MYO18B: variants seen among roughly 807,000 people sequenced by gnomAD.
MYO18B encodes unconventional myosin-XVIIIb.
MYO18B carries 204 observed loss-of-function variants against 273.0 expected under a neutral mutation model. That is an observed-to-expected ratio of 0.75 (90% CI 0.67 to 0.84). The LOEUF is 0.84. MYO18B is among the 40% of genes least tolerant of loss of function. MYO18B has a pLI of 0.00. For synonymous variants in MYO18B, 1,330 were observed against 1,305.7 expected, an observed-to-expected ratio of 1.02 and a Z score of -0.40; for missense variants, 3,212 against 3,287.6, an observed-to-expected ratio of 0.98 and a Z score of 0.56.
At chr22:25,763,622 A>C (rs1314099146) in intron 3 of MYO18B, among the ~76,000 whole-genome samples, 1 of 152,148 alleles carries the variant, frequency 6.6e-6, no homozygotes, top group East Asian at 1.9e-4. Context: ...ATCCTGCTGC[A>C]CCTTCTATGC....
intron 21 of MYO18B, among the ~76,000 whole-genome samples, chr22:25,860,588 G>T (rs911431281): frequency 5.9e-5 from 9 of 152,034 alleles, no homozygotes; most frequent in Non-Finnish European, 1.3e-4. Context: ...TCTTTGGCCC[G>T]TTGTTTATTA....
chr22:25,887,595 A>G (rs2091538676), intron 25 of MYO18B, among the ~76,000 whole-genome samples: 1 of 152,170 alleles, frequency 6.6e-6, no homozygotes, highest in African/African-American at 2.4e-5. Context: ...CTGGGTTTGC[A>G]AACCAGACTC....
At chr22:25,770,259 T>C (rs771719606) in intron 5 of MYO18B, 83 bp downstream of exon 5, 31 of 1,396,442 alleles carry the variant, frequency 2.2e-5, no homozygotes, top group Non-Finnish European at 3.1e-5. Flanking sequence ...TTCCAGGTCC[T>C]GATTATACTT....
chr22:25,828,143 A>C (rs1233729834), intron 14 of MYO18B, among the ~76,000 whole-genome samples: 1 of 152,008 alleles, frequency 6.6e-6, no homozygotes, highest in African/African-American at 2.4e-5. Flanking sequence ...ATCACACCCA[A>C]CCCTCACAAC....
At chr22:25,791,570 C>T (rs1168630781) in intron 11 of MYO18B, among the ~76,000 whole-genome samples, 4 of 152,138 alleles carry the variant, frequency 2.6e-5, no homozygotes, top group African/African-American at 4.8e-5. Flanking sequence ...ATATTATTTT[C>T]GTCTTCTCTA....
chr22:25,913,590 G>A (rs1188247199), intron 33 of MYO18B, among the ~76,000 whole-genome samples: 1 of 152,128 alleles, frequency 6.6e-6, no homozygotes, highest in Non-Finnish European at 1.5e-5. Flanking sequence ...GGATGGTTTC[G>A]ATCTCGTGAC....
At position 25,769,384 on chromosome 22, in the gene MYO18B, C is replaced by T; in HGVS notation, c.1468C>T (p.Pro490Ser). ...IRKENQDGPA[P>S]QEEGKGGQSR... Reference sequence around the variant, plus strand: ...GAAGGAGAACCAAGACGGGCCAGCCCCGCAGGAGGAGGGCAAAGGAGGCCA... The same window carrying T: ...GAAGGAGAACCAAGACGGGCCAGCCTCGCAGGAGGAGGGCAAAGGAGGCCA... The change falls in exon 4 of 44, where the codon CCG (proline) becomes TCG (serine). Residue 490 changes from proline (P) to serine (S), a missense_variant. Transcript: ENST00000335473. The T allele has an allele frequency of 6.4e-7, 1 of 1,570,998 alleles. No homozygotes were observed. Among genetic ancestry groups the T allele is most frequent in the South Asian group, 1.2e-5 (1 of 84,970 alleles).
chr22:26,005,310 CATT>C (rs1432552849), intron 42 of MYO18B, among the ~76,000 whole-genome samples: 1 of 152,100 alleles, frequency 6.6e-6, no homozygotes. Context: ...AATGGAAAGT[CATT>C]ATAAAGAAAT....
chr22:25,984,510 C>G (rs1261167939), intron 39 of MYO18B, among the ~76,000 whole-genome samples: 1 of 152,134 alleles, frequency 6.6e-6, no homozygotes, highest in Non-Finnish European at 1.5e-5. Context: ...GTGGCAGAGG[C>G]TGGGTACGGT....
chr22:25,788,112 A>T (rs117982536), intron 11 of MYO18B, among the ~76,000 whole-genome samples: 1,749 of 152,214 alleles, frequency 0.011, 14 homozygotes, highest in South Asian at 0.017. Context: ...TCTGTGGGGC[A>T]TTTTTTAGAC....
the MYO18B span, among the ~76,000 whole-genome samples, chr22:26,041,382 A>C: frequency 6.6e-6 from 1 of 151,036 alleles, no homozygotes; most frequent in South Asian, 2.1e-4. Flanking sequence ...ACAAAACTAG[A>C]AAAATTAGGC....
intron 33 of MYO18B, among the ~76,000 whole-genome samples, chr22:25,917,674 A>G (rs1026827990): frequency 1.3e-5 from 2 of 151,490 alleles, no homozygotes; most frequent in East Asian, 3.9e-4. Flanking sequence ...ATTTATTTAC[A>G]TTTGTTATAA....
At chr22:25,827,287 T>C (rs1055129722) in intron 14 of MYO18B, among the ~76,000 whole-genome samples, 1 of 152,200 alleles carries the variant, frequency 6.6e-6, no homozygotes, top group Non-Finnish European at 1.5e-5. Context: ...ATGTCATACC[T>C]TCAGTTCCCC....
rs545847733 is a variant in MYO18B at position 25,839,357 on chromosome 22, T to A, written c.3208+3914T>A. On this transcript the variant is annotated intron_variant, in intron 17 of 43. Transcript: ENST00000335473. ...GGCCCAGGAAGTTGTGCTGCGGCCC[T>A]GGCCGTGCTCACCCTGCAGGAGTCC... 6.6e-4 allele frequency among the ~76,000 whole-genome samples: 101 copies of A among 152,328 alleles called. 1 individual carries two copies. The highest frequency in any genetic ancestry group is 2.4e-3 in the African/African-American group (98 of 41,566).
At chr22:25,842,353 A>G (rs1253738600) in intron 17 of MYO18B, among the ~76,000 whole-genome samples, 1 of 152,190 alleles carries the variant, frequency 6.6e-6, no homozygotes, top group African/African-American at 2.4e-5. Flanking sequence ...TCCAAGAGTC[A>G]TGATAATCTG....
At chr22:25,785,030 A>G (rs979832933) in intron 10 of MYO18B, among the ~76,000 whole-genome samples, 3 of 152,142 alleles carry the variant, frequency 2.0e-5, no homozygotes, top group African/African-American at 7.2e-5. Context: ...AATGGAAATA[A>G]TATTTGTACC....
intron 25 of MYO18B, among the ~76,000 whole-genome samples, chr22:25,886,603 T>G (rs1392022685): frequency 6.6e-6 from 1 of 152,186 alleles, no homozygotes; most frequent in East Asian, 1.9e-4. Context: ...CAGATCTTAC[T>G]TGGTCTTTGA....
At chr22:25,995,853 C>T (rs1933177432) in intron 40 of MYO18B, among the ~76,000 whole-genome samples, 1 of 152,182 alleles carries the variant, frequency 6.6e-6, no homozygotes, top group African/African-American at 2.4e-5. Context: ...AAGTCTTCCT[C>T]CCTGCTGGGC....
At chr22:25,969,583 A>G (rs1349872845) in intron 39 of MYO18B, among the ~76,000 whole-genome samples, 1 of 152,220 alleles carries the variant, frequency 6.6e-6, no homozygotes, top group African/African-American at 2.4e-5. Context: ...AGTCCAAGAT[A>G]TATACTACCT....
Sources: allele counts gnomAD v4.1 joint callset (sites outside exome capture counted in the v4.1 genomes callset), GRCh38; gene constraint gnomAD v4.1.1; transcripts MANE v1.5; gene names NCBI Gene and HGNC (gene_info 2026-07-23, HGNC 2026-07-21).